The following KCNT1 variants were observed in gnomAD, a reference collection of about 807,000 sequenced individuals.
KCNT1 encodes potassium channel subfamily T member 1.
A neutral mutation model predicts 147.8 loss-of-function variants in KCNT1; 78 were observed. That is an observed-to-expected ratio of 0.53 (90% CI 0.44 to 0.64). KCNT1 has a LOEUF of 0.64. Among genes scored for constraint, KCNT1 ranks in the 30% least tolerant of loss-of-function variants. KCNT1 has a pLI of 0.00. For missense variants in KCNT1, 1,419 were observed against 1,750.3 expected, an observed-to-expected ratio of 0.81 and a Z score of 3.38; for synonymous variants, 867 against 748.8, an observed-to-expected ratio of 1.16 and a Z score of -2.58.
At chr9:135,778,662 C>T (rs762409428) in intron 22 of KCNT1, 26 bp from the exon 23 acceptor site, 64 of 1,612,740 alleles carry the variant, frequency 4.0e-5, no homozygotes, top group Non-Finnish European at 5.3e-5. Flanking sequence ...GCATCCTCAG[C>T]CACGGGCCCT....
At chr9:135,744,828 T>G (rs1182942808) in intron 2 of KCNT1, among the ~76,000 whole-genome samples, 1 of 152,170 alleles carries the variant, frequency 6.6e-6, no homozygotes, top group Non-Finnish European at 1.5e-5. Context: ...TGGGACCCCC[T>G]GGCCAGGCCT....
intron 9 of KCNT1, 139 bp from the exon 10 acceptor site, chr9:135,758,275 A>C (rs10776842): frequency 1.3e-4 from 51 of 393,710 alleles, no homozygotes; most frequent in Non-Finnish European, 1.3e-4. Context: ...GTGGCCAGGT[A>C]CAGGCTGCCC....
In KCNT1 at chr9:135,755,226, G is replaced by A. The variant is rs1192010750; in HGVS notation, c.540+57G>A. The A allele has an allele frequency of 3.0e-5, 43 of 1,454,532 alleles. No homozygotes were observed. The Admixed American group carries it at 7.3e-4, about 25-fold the overall frequency. The allele number at this position is 1,454,532 out of a possible 1,614,324, so 90.1% of individuals were successfully genotyped here. ...GCAGTGGTGCTCAGTAAGCACTGAG[G>A]ACCAACCCAGACTCAGTAAGTAGGG... On this transcript the variant is annotated intron_variant, in intron 6 of 30. Coordinates refer to ENST00000371757, the MANE Select transcript of KCNT1 (RefSeq NM_020822.3).
chr9:135,758,533 C>T (rs1488538948), intron 10 of KCNT1, 25 bp downstream of exon 10: 8 of 1,591,154 alleles, frequency 5.0e-6, no homozygotes, highest in African/African-American at 1.3e-5. Flanking sequence ...TCAGTGTGAG[C>T]ACCCCAGGAC....
chr9:135,705,865 T>TAAGG (rs1192978903), intron 1 of KCNT1, among the ~76,000 whole-genome samples: 1 of 131,650 alleles, frequency 7.6e-6, no homozygotes, highest in Non-Finnish European at 1.6e-5. Flanking sequence ...AGGCCCTCCT[T>TAAGG]GAGAGGGGGC....
intron 2 of KCNT1, among the ~76,000 whole-genome samples, chr9:135,738,942 T>TG (rs1830450071): frequency 6.6e-6 from 1 of 152,042 alleles, no homozygotes; most frequent in South Asian, 2.1e-4. Context: ...AAGTGCCCAA[T>TG]GGGGGGACAG....
In KCNT1 at chr9:135,778,877, G is replaced by T. The variant is rs979314687; in HGVS notation, c.2729+55G>T. On this transcript the variant is annotated intron_variant, in intron 23 of 30. Transcript: ENST00000371757. ...AACCACCCCACAGCCACGACCACGG[G>T]CCCTCGCCCTGAGACCCCCACAGCC... The T allele has an allele frequency of 6.9e-6, 11 of 1,590,612 alleles. No homozygotes were observed. The East Asian group carries it at 2.3e-4, about 33-fold the overall frequency.
intron 2 of KCNT1, among the ~76,000 whole-genome samples, chr9:135,740,475 C>A (rs187271539): frequency 6.6e-6 from 1 of 152,370 alleles, no homozygotes; most frequent in East Asian, 1.9e-4. Context: ...GGGTCCCTCC[C>A]TCTCGAGGCT....
At position 135,745,094 on chromosome 9, in the gene KCNT1, G is replaced by A. The variant is rs924809812; in HGVS notation, c.255-5004G>A. ...GCCGGGTGTGGACTCTGGGAATGGC[G>A]ATGTTCCCAGACGGATGCCGCCATG... On this transcript the variant is annotated intron_variant, in intron 2 of 30. Transcript: ENST00000371757. Among the ~76,000 whole-genome samples, 8 of 152,252 alleles carry A rather than the reference G, an allele frequency of 5.3e-5. No individual in the cohort carries two copies. The East Asian group carries it at 1.2e-3, about 22-fold the overall frequency.
At chr9:135,745,421 G>A (rs1830777775) in intron 2 of KCNT1, among the ~76,000 whole-genome samples, 1 of 152,322 alleles carries the variant, frequency 6.6e-6, no homozygotes, top group East Asian at 1.9e-4. Flanking sequence ...CCCACCCGGG[G>A]TCCCGCCTCT....
chr9:135,765,574 G>T, intron 12 of KCNT1, 50 bp from the exon 13 acceptor site: 1 of 1,573,356 alleles, frequency 6.4e-7, no homozygotes. Flanking sequence ...GGGCCGCCCG[G>T]GCGGGGCAGG....
intron 5 of KCNT1, 32 bp from the exon 6 acceptor site, chr9:135,755,089 G>A (rs745733865): frequency 1.9e-6 from 3 of 1,587,274 alleles, no homozygotes; most frequent in South Asian, 2.3e-5. Context: ...TGGCTGTGGT[G>A]CCCTACTGTG....
In KCNT1 at chr9:135,775,291, C is replaced by G; in HGVS notation, c.2244-19C>G. 6.3e-7 allele frequency: 1 copy of G among 1,588,014 alleles called. No individual in the cohort carries two copies. The highest frequency in any genetic ancestry group is 2.3e-5 in the East Asian group (1 of 44,234). Reference sequence around the variant, plus strand: ...CACCTCTGTGCAGCTGTGCTGAGGGCTCCTGTCTCCTGCCCCAGGTATGTG... The same window carrying G: ...CACCTCTGTGCAGCTGTGCTGAGGGGTCCTGTCTCCTGCCCCAGGTATGTG... On this transcript the variant is annotated intron_variant, in intron 19 of 30. Coordinates refer to ENST00000371757, the MANE Select transcript of KCNT1 (RefSeq NM_020822.3).
At chr9:135,787,420 C>T (rs1054520106) in intron 29 of KCNT1, among the ~76,000 whole-genome samples, 3 of 152,186 alleles carry the variant, frequency 2.0e-5, no homozygotes, top group Non-Finnish European at 4.4e-5. Context: ...TGAGCCGGGT[C>T]GAGGCTCCAC....
At chr9:135,760,249 G>C (rs1037004275) in intron 11 of KCNT1, among the ~76,000 whole-genome samples, 1 of 152,178 alleles carries the variant, frequency 6.6e-6, no homozygotes, top group Non-Finnish European at 1.5e-5. Context: ...ACACCCCCCC[G>C]GCCACCCCAG....
rs1831235247 is a variant in KCNT1, at chr9:135,752,527, T to C, written c.435-1410T>C. On this transcript the variant is annotated intron_variant, in intron 4 of 30. Transcript: ENST00000371757. The surrounding 1 kb of genome is among the most constrained non-coding windows in gnomAD (Gnocchi z 5.1). ...TTCACATCCCCACAGGGCCCAAGTC[T>C]GTTGTGTTCACTGCCCGTCCCCTAG... 3 of 441,608 alleles carry C rather than the reference T, an allele frequency of 6.8e-6. No homozygotes were observed. The highest frequency in any genetic ancestry group is 4.8e-5 in the South Asian group (3 of 62,488). 27.4% of individuals were successfully genotyped at this position (441,608 alleles called of 1,614,324 possible).
chr9:135,761,859 A>C (rs1272116620), intron 11 of KCNT1, among the ~76,000 whole-genome samples: 5 of 152,120 alleles, frequency 3.3e-5, no homozygotes, highest in Non-Finnish European at 5.9e-5. Flanking sequence ...AGCCACACGC[A>C]GCTCCACCTT....
At chr9:135,740,084 T>C (rs945354861) in intron 2 of KCNT1, among the ~76,000 whole-genome samples, 2 of 152,142 alleles carry the variant, frequency 1.3e-5, no homozygotes, top group Non-Finnish European at 2.9e-5. Context: ...GTCTGTGTCC[T>C]CATCTCTTCT....
Position 135,750,996 on chromosome 9 carries a change from A to G in KCNT1, c.389A>G (p.Tyr130Cys). The G allele has an allele frequency of 6.2e-7, 1 of 1,613,114 alleles. No homozygotes were observed. The highest frequency in any genetic ancestry group is 8.5e-7 in the Non-Finnish European group (1 of 1,179,852). ...FSLKLLTCLLYIVRVLLDDPA... is the reference protein window; with the variant it reads ...FSLKLLTCLLCIVRVLLDDPA... The stretch of plus-strand genomic sequence containing the variant: ...CTGAAGCTGCTCACCTGCCTGCTCT[A>G]CATTGTGCGCGTCCTGCTCGATGAC... The change falls in exon 4 of 31, where the codon TAC (tyrosine) becomes TGC (cysteine). Residue 130 changes from tyrosine (Y) to cysteine (C), a missense_variant. Transcript: ENST00000371757.
Sources: allele counts gnomAD v4.1 joint callset (sites outside exome capture counted in the v4.1 genomes callset), GRCh38; gene constraint gnomAD v4.1.1; non-coding constraint Gnocchi (gnomAD v3.1); transcripts MANE v1.5; gene names NCBI Gene and HGNC (gene_info 2026-07-23, HGNC 2026-07-21).